AKAP6: variants seen among roughly 807,000 people sequenced by gnomAD.
The protein encoded by AKAP6 is A-kinase anchoring protein 6.
AKAP6 carries 58 observed loss-of-function variants against 188.5 expected under a neutral mutation model. The ratio of observed to expected loss-of-function variants is 0.31; its 90% CI spans 0.25 to 0.38. The LOEUF is 0.38. AKAP6 is among the 10% of genes least tolerant of loss of function. The pLI is 1.00. For synonymous variants in AKAP6, 989 were observed against 998.6 expected (o/e 0.99, Z 0.18); for missense variants, 2,710 against 2,740.0 (o/e 0.99, Z 0.24).
chr14:32,633,897 C>T (rs1349179734), intron 7 of AKAP6, among the ~76,000 whole-genome samples: 2 of 152,158 alleles, frequency 1.3e-5, no homozygotes, highest in Admixed American at 6.6e-5. Context: ...CAATATCGTT[C>T]GTGTCACAAA....
chr14:32,395,299 T>C (rs1293357387), intron 1 of AKAP6, among the ~76,000 whole-genome samples: 3 of 152,174 alleles, frequency 2.0e-5, no homozygotes, highest in Non-Finnish European at 2.9e-5. Flanking sequence ...ATTATTTGTA[T>C]AATATATTCT....
At chr14:32,334,841 TTC>T (rs1226138669) in intron 1 of AKAP6, among the ~76,000 whole-genome samples, 2 of 152,240 alleles carry the variant, frequency 1.3e-5, no homozygotes, top group Non-Finnish European at 2.9e-5. Context: ...AGCCATATTT[TTC>T]TCTGTTCTTC....
chr14:32,610,149 T>C (rs1215131574), intron 7 of AKAP6, among the ~76,000 whole-genome samples: 1 of 152,176 alleles, frequency 6.6e-6, no homozygotes, highest in African/African-American at 2.4e-5. Context: ...TCCTAACTCC[T>C]ATTATTACTT....
chr14:32,468,461 A>C (rs74041623), intron 2 of AKAP6, among the ~76,000 whole-genome samples: 2,533 of 152,202 alleles, frequency 0.017, 83 homozygotes, highest in African/African-American at 0.058. Context: ...GCAGAGAAAC[A>C]CTAGATTGGG....
chr14:32,468,621 A>T (rs1178670785), intron 2 of AKAP6, among the ~76,000 whole-genome samples: 1 of 152,104 alleles, frequency 6.6e-6, no homozygotes, highest in Non-Finnish European at 1.5e-5. Context: ...TGCTACCATG[A>T]CTTAAGACAA....
At chr14:32,487,847 CT>C (rs1404739775) in intron 2 of AKAP6, among the ~76,000 whole-genome samples, 1 of 152,226 alleles carries the variant, frequency 6.6e-6, no homozygotes, top group African/African-American at 2.4e-5. Context: ...ACTCGAGACC[CT>C]GTTTGCCTAT....
chr14:32,670,060 G>C (rs1312959089), intron 7 of AKAP6, among the ~76,000 whole-genome samples: 1 of 149,486 alleles, frequency 6.7e-6, no homozygotes, highest in African/African-American at 2.5e-5. Flanking sequence ...TCTTGCCACT[G>C]TACAGCGGCC....
At chr14:32,370,077 A>G (rs1887959719) in intron 1 of AKAP6, among the ~76,000 whole-genome samples, 1 of 152,286 alleles carries the variant, frequency 6.6e-6, no homozygotes, top group African/African-American at 2.4e-5. Context: ...GCAGCTTAAC[A>G]TGGGGTCATT....
chr14:32,736,042 C>G (rs565823449), intron 11 of AKAP6, among the ~76,000 whole-genome samples, 160 bp downstream of exon 11: 1 of 152,114 alleles, frequency 6.6e-6, no homozygotes, highest in Admixed American at 6.6e-5. Flanking sequence ...TTATATGTCT[C>G]TATGTGTATA....
intron 2 of AKAP6, among the ~76,000 whole-genome samples, chr14:32,500,527 A>G (rs1217405415): frequency 6.6e-6 from 1 of 152,162 alleles, no homozygotes; most frequent in African/African-American, 2.4e-5. Context: ...TATGGGATGC[A>G]TAGGTGCCAA....
intron 4 of AKAP6, among the ~76,000 whole-genome samples, chr14:32,572,056 A>G (rs1004310778): frequency 6.6e-6 from 1 of 152,222 alleles, no homozygotes; most frequent in Non-Finnish European, 1.5e-5. Context: ...ATTCTATCTC[A>G]GTGCCAAGAC....
intron 2 of AKAP6, among the ~76,000 whole-genome samples, chr14:32,453,963 T>C (rs549612266): frequency 4.4e-4 from 67 of 152,340 alleles, no homozygotes; most frequent in Middle Eastern, 6.8e-3. Flanking sequence ...TTAGACAGCA[T>C]TCCTTAGAAG....
chr14:32,595,782 G>T (rs780393912), intron 5 of AKAP6, among the ~76,000 whole-genome samples: 3 of 152,062 alleles, frequency 2.0e-5, no homozygotes, highest in African/African-American at 4.8e-5. Flanking sequence ...CTTAAGGCCC[G>T]ACCACTCTGT....
intron 2 of AKAP6, among the ~76,000 whole-genome samples, chr14:32,463,471 G>A (rs764206176): frequency 1.2e-4 from 19 of 152,252 alleles, no homozygotes; most frequent in South Asian, 4.1e-4. Flanking sequence ...CAACTACGTC[G>A]AAACTGAACA....
intron 2 of AKAP6, among the ~76,000 whole-genome samples, chr14:32,505,085 T>G (rs1354784325): frequency 6.6e-6 from 1 of 152,162 alleles, no homozygotes; most frequent in Non-Finnish European, 1.5e-5. Flanking sequence ...GCACTGAATA[T>G]TAGAAATGAA....
At chr14:32,789,303 T>C (rs987190829) in intron 12 of AKAP6, among the ~76,000 whole-genome samples, 7 of 152,214 alleles carry the variant, frequency 4.6e-5, no homozygotes, top group Non-Finnish European at 5.9e-5. Flanking sequence ...GCCTGCCAGC[T>C]TTGGAGAATA....
intron 7 of AKAP6, among the ~76,000 whole-genome samples, chr14:32,653,719 TGAA>T (rs1240772441): frequency 6.6e-6 from 1 of 152,238 alleles, no homozygotes; most frequent in Non-Finnish European, 1.5e-5. Flanking sequence ...ATAATTATCT[TGAA>T]GAATACAATG....
Position 32,346,160 on chromosome 14 carries a change from A to G in AKAP6, c.-35+16752A>G, listed in dbSNP as rs768654652. The stretch of plus-strand genomic sequence containing the variant: ...GGGAGGGGCCTGGCAGTGCCCAGAA[A>G]TAACAGCTCTTCCTGGTAAAGGTGC... On this transcript the variant is annotated intron_variant, in intron 1 of 13. Coordinates refer to ENST00000280979, the MANE Select transcript of AKAP6 (RefSeq NM_004274.5). 4.6e-5 allele frequency among the ~76,000 whole-genome samples: 7 copies of G among 152,294 alleles called. No individual in the cohort carries two copies. The East Asian group carries it at 1.2e-3, about 25-fold the overall frequency.
Position 32,535,688 on chromosome 14 carries a change from G to A in AKAP6, c.459G>A (p.Gln153=). ...ACGCAGTGCAGCTCCTCTGGCACCAGCTTCGAGTCTCAGTGCTGGTTCTGC... is the reference window on the plus strand; with the variant it reads ...ACGCAGTGCAGCTCCTCTGGCACCAACTTCGAGTCTCAGTGCTGGTTCTGC... The part of the protein sequence containing the change: ...DIHAVQLLWH[Q]LRVSVLVLRE... The change falls in exon 3 of 14, where the codon CAG becomes CAA. Residue 153 remains glutamine, a synonymous_variant. Coordinates refer to ENST00000280979, the MANE Select transcript of AKAP6 (RefSeq NM_004274.5). 1 of 1,614,236 alleles carries A rather than the reference G, an allele frequency of 6.2e-7. No homozygotes were observed. Among genetic ancestry groups the A allele is most frequent in the Non-Finnish European group, 8.5e-7 (1 of 1,180,022 alleles).
Sources: allele counts gnomAD v4.1 joint callset (sites outside exome capture counted in the v4.1 genomes callset), GRCh38; gene constraint gnomAD v4.1.1; transcripts MANE v1.5; gene names NCBI Gene and HGNC (gene_info 2026-07-23, HGNC 2026-07-21).